The following ZFP36L1 variants were observed in gnomAD, a reference collection of about 807,000 sequenced individuals.
ZFP36L1 encodes ZFP36 like 1 zinc finger CCCH-type.
ZFP36L1 carries 4 observed loss-of-function variants against 16.7 expected under a neutral mutation model. The ratio of observed to expected loss-of-function variants is 0.24; its 90% CI spans 0.12 to 0.55. ZFP36L1 has a LOEUF of 0.55. Ranked by LOEUF, ZFP36L1 falls within the 20% of genes least tolerant of loss-of-function variation. The pLI is 0.94. For synonymous variants in ZFP36L1, 220 were observed against 190.8 expected, an observed-to-expected ratio of 1.15 and a Z score of -1.26; for missense variants, 311 against 449.2, an observed-to-expected ratio of 0.69 and a Z score of 2.78.
chr14:68,792,535 G>T, intron 1 of ZFP36L1, among the ~76,000 whole-genome samples: 1 of 152,204 alleles, frequency 6.6e-6, no homozygotes, highest in Non-Finnish European at 1.5e-5. Context: ...GATCAGACCA[G>T]CAAACCTGGG....
rs1895141506 is a variant in ZFP36L1, at chr14:68,792,924, G to A, written c.15C>T (p.Leu5=). 6.2e-7 allele frequency: 1 copy of A among 1,614,014 alleles called. No individual in the cohort carries two copies. MTTT[L]VSATIFDLSE... ...TCAAGTCGAAGATGGTGGCAGACAC[G>A]AGGGTGGTGGTCATCCTGTGCGTTC... The change falls in exon 1 of 2, where the codon CTC becomes CTT. Residue 5 remains leucine (L), a synonymous_variant. Transcript: ENST00000439696.
rs1298786999 is a variant in ZFP36L1 at position 68,790,234 on chromosome 14, C to G, written c.316G>C (p.Gly106Arg). The G allele has an allele frequency of 1.2e-6, 2 of 1,612,418 alleles. No homozygotes were observed. The highest frequency in any genetic ancestry group is 1.1e-5 in the South Asian group (1 of 91,076). The stretch of plus-strand genomic sequence containing the variant: ...CGGCTGGAGTTGACCTGGCCGCCCC[C>G]GGGCTGCTTCTGGGTGGGCAGCAGC... ...ERLLPTQKQP[G>R]GGQVNSSRYK... The change falls in exon 2 of 2, where the codon GGG (glycine) becomes CGG (arginine). Residue 106 changes from glycine to arginine, a missense_variant. This residue lies in a region of ZFP36L1 where 137 missense variants were observed against 142.6 expected (regional missense o/e 0.96). Transcript: ENST00000439696.
Position 68,789,420 on chromosome 14 carries a change from T to C in ZFP36L1, c.*113A>G, listed in dbSNP as rs1293650318. 6.6e-7 allele frequency: 1 copy of C among 1,515,206 alleles called. No homozygotes were observed. The highest frequency in any genetic ancestry group is 9.0e-7 in the Non-Finnish European group (1 of 1,115,630). The allele number at this position is 1,515,206 out of a possible 1,614,324, so 93.9% of individuals were successfully genotyped here. A position where few individuals can be genotyped will look rare whatever the true frequency, so the allele number is the denominator to read the frequency against. ...GGTGCTGGGGGAAAGGGGTTGAGCT[T>C]AACCTTGTTAATGTAGGGCCTGTGG... is the stretch of plus-strand genomic sequence containing the variant. On this transcript the variant is annotated 3_prime_UTR_variant, in exon 2 of 2. Coordinates refer to ENST00000439696, the MANE Select transcript of ZFP36L1 (RefSeq NM_004926.4). The surrounding 1 kb of genome is among the most constrained non-coding windows in gnomAD (Gnocchi z 4.5).
chr14:68,795,487 C>G (rs1895226443), upstream of ZFP36L1, among the ~76,000 whole-genome samples: 1 of 152,252 alleles, frequency 6.6e-6, no homozygotes, highest in South Asian at 2.1e-4. Context: ...GGCTATGCCC[C>G]TGCTTCGGGC....
chr14:68,793,280 G>A (rs1895158249), upstream of ZFP36L1: 1 of 1,051,918 alleles, frequency 9.5e-7, no homozygotes, highest in Admixed American at 5.1e-5. Flanking sequence ...GAGAAAAGAA[G>A]GCGGAAAAAA....
chr14:68,793,575 T>A (rs1157450525), upstream of ZFP36L1: 3 of 985,642 alleles, frequency 3.0e-6, no homozygotes, highest in Non-Finnish European at 3.6e-6. Context: ...AAGCCCGTCC[T>A]TAGCGCCCGG....
At chr14:68,792,553 AG>A (rs1895118348) in intron 1 of ZFP36L1, among the ~76,000 whole-genome samples, 1 of 152,168 alleles carries the variant, frequency 6.6e-6, no homozygotes, top group Non-Finnish European at 1.5e-5. Flanking sequence ...GGGATCCAGC[AG>A]CACGTTACGT....
At chr14:68,793,552 C>T (rs1895168903), upstream of ZFP36L1, 8 of 985,864 alleles carry the variant, frequency 8.1e-6, no homozygotes, top group Non-Finnish European at 9.6e-6. Flanking sequence ...TCTCTTTTTG[C>T]CAGCGGGAGC....
At chr14:68,793,116 C>A (rs1566561340), upstream of ZFP36L1, 4 of 1,351,274 alleles carry the variant, frequency 3.0e-6, no homozygotes, top group South Asian at 5.1e-5. Context: ...TTTGGTGGGC[C>A]GGGGGGAGGA....
intron 1 of ZFP36L1, among the ~76,000 whole-genome samples, chr14:68,792,504 T>C (rs1292203855): frequency 6.6e-6 from 1 of 151,986 alleles, no homozygotes; most frequent in Admixed American, 6.6e-5. Context: ...TGGACAGACC[T>C]AGGGCGCAGA....
rs1895030815 is a variant in ZFP36L1, at chr14:68,790,223, C to T, written c.327G>A (p.Gln109=). The T allele has an allele frequency of 2.5e-6, 4 of 1,612,848 alleles. No homozygotes were observed. The highest frequency in any genetic ancestry group is 3.4e-6 in the Non-Finnish European group (4 of 1,179,840). Residue 109 remains glutamine (Q), a synonymous_variant, in exon 2 of 2, where the codon CAG becomes CAA. Coordinates refer to ENST00000439696, the MANE Select transcript of ZFP36L1 (RefSeq NM_004926.4). The part of the protein sequence containing the change: ...LPTQKQPGGG[Q]VNSSRYKTEL... ...CCGTCTTGTAGCGGCTGGAGTTGAC[C>T]TGGCCGCCCCCGGGCTGCTTCTGGG...
In ZFP36L1 at chr14:68,792,946, G is replaced by C; in HGVS notation, c.-8C>G. ...CACGAGGGTGGTGGTCATCCTGTGC[G>C]TTCGCGCGAGCCAGGGGCGAGGATC... On this transcript the variant is annotated 5_prime_UTR_variant, in exon 1 of 2. Transcript: ENST00000439696. The C allele has an allele frequency of 6.2e-7, 1 of 1,613,812 alleles. No individual in the cohort carries two copies. The highest frequency in any genetic ancestry group is 8.5e-7 in the Non-Finnish European group (1 of 1,179,950).
upstream of ZFP36L1, chr14:68,794,107 G>C: frequency 8.6e-6 from 2 of 231,970 alleles, no homozygotes; most frequent in Non-Finnish European, 1.4e-5. Flanking sequence ...TACTTTCCAC[G>C]CGCGCTCCGA....
Position 68,787,792 on chromosome 14 carries a change from T to G in ZFP36L1, c.*1741A>C, listed in dbSNP as rs1456840730. 6.5e-6 allele frequency: 1 copy of G among 152,756 alleles called. No homozygotes were observed. The highest frequency in any genetic ancestry group is 1.5e-5 in the Non-Finnish European group (1 of 68,024). 9.5% of individuals were successfully genotyped at this position (152,756 alleles called of 1,614,324 possible). A position where few individuals can be genotyped will look rare whatever the true frequency, so the allele number is the denominator to read the frequency against. On this transcript the variant is annotated 3_prime_UTR_variant, in exon 2 of 2. Transcript: ENST00000439696. Reference sequence around the variant, plus strand: ...CGACGGTAGTGACCAGCAAGAGGAATAATAATTACATTCATCTTAATGTGT... The same window carrying G: ...CGACGGTAGTGACCAGCAAGAGGAAGAATAATTACATTCATCTTAATGTGT...
At chr14:68,796,102 G>A, upstream of ZFP36L1, 1 of 1,362,278 alleles carries the variant, frequency 7.3e-7, no homozygotes, top group South Asian at 1.1e-5. Flanking sequence ...ACCGGGAGGC[G>A]GTGGGCCGGC....
upstream of ZFP36L1, chr14:68,793,812 A>T (rs2140213983): frequency 4.1e-6 from 4 of 984,832 alleles, no homozygotes; most frequent in South Asian, 1.9e-4. Context: ...GGGACTAGGG[A>T]AACTTTTTCC....
chr14:68,790,866 C>G, intron 1 of ZFP36L1: 1 of 589,300 alleles, frequency 1.7e-6, no homozygotes. Context: ...TACCGCACCC[C>G]GCCCCCGCCA....
intron 1 of ZFP36L1, chr14:68,791,157 A>G: frequency 4.4e-6 from 3 of 676,300 alleles, no homozygotes; most frequent in Non-Finnish European, 5.4e-6. Flanking sequence ...TTCCCGGAAG[A>G]GATATTTTCT....
chr14:68,793,212 G>T, upstream of ZFP36L1: 1 of 1,098,416 alleles, frequency 9.1e-7, no homozygotes, highest in Non-Finnish European at 1.1e-6. Flanking sequence ...GGTCAGGCGG[G>T]GAGGGGGGGC....
Sources: allele counts gnomAD v4.1 joint callset (sites outside exome capture counted in the v4.1 genomes callset), GRCh38; gene constraint gnomAD v4.1.1; regional missense constraint gnomAD v4.1.1; non-coding constraint Gnocchi (gnomAD v3.1); transcripts MANE v1.5; gene names NCBI Gene and HGNC (gene_info 2026-07-23, HGNC 2026-07-21).